The following WNK1 variants were observed in gnomAD, a reference collection of about 807,000 sequenced individuals.
WNK1 encodes WNK lysine deficient protein kinase 1.
Under a neutral mutation model 222.8 loss-of-function variants are expected in WNK1, and 38 were observed. The ratio of observed to expected loss-of-function variants is 0.17; its 90% CI spans 0.13 to 0.22. The LOEUF (loss-of-function observed/expected upper bound fraction) is 0.22. Ranked by LOEUF, WNK1 falls within the 10% of genes least tolerant of loss-of-function variation. The pLI is 1.00. For synonymous variants in WNK1, 1,090 were observed against 1,092.9 expected, an observed-to-expected ratio of 1.00 and a Z score of 0.05; for missense variants, 2,348 against 2,918.4, an observed-to-expected ratio of 0.80 and a Z score of 4.50.
intron 2 of WNK1, among the ~76,000 whole-genome samples, chr12:821,042 GTTTTTTTT>G (rs60880879): frequency 1.4e-4 from 11 of 79,120 alleles, no homozygotes; most frequent in Admixed American, 8.0e-4. Flanking sequence ...AGTTTCTTGA[GTTTTTTTT>G]TTTTTTTTTT....
intron 4 of WNK1, among the ~76,000 whole-genome samples, chr12:856,409 A>C (rs1000582610): frequency 6.6e-6 from 1 of 151,628 alleles, no homozygotes; most frequent in Admixed American, 6.6e-5. Flanking sequence ...AGCCAAGGTC[A>C]CACCACTGCA....
At chr12:769,781 G>A (rs1212606070) in intron 1 of WNK1, among the ~76,000 whole-genome samples, 1 of 152,000 alleles carries the variant, frequency 6.6e-6, no homozygotes, top group Non-Finnish European at 1.5e-5. Flanking sequence ...TTATTTCCTC[G>A]CAGTTCTGTA....
intron 1 of WNK1, among the ~76,000 whole-genome samples, chr12:808,145 A>T (rs1318992594): frequency 6.6e-6 from 1 of 152,114 alleles, no homozygotes; most frequent in Non-Finnish European, 1.5e-5. Context: ...TTTGAGTTTA[A>T]CCCTGTTAGC....
chr12:865,401 T>C (rs1321042308), intron 8 of WNK1: 1 of 1,520,904 alleles, frequency 6.6e-7, no homozygotes, highest in African/African-American at 1.4e-5. Flanking sequence ...TGAACAATTA[T>C]TACCAATGAA....
At position 773,115 on chromosome 12, in the gene WNK1, G is replaced by A. The variant is rs146512295; in HGVS notation, c.759+18791G>A. Among the ~76,000 whole-genome samples, 223 of 152,212 alleles carry A rather than the reference G, an allele frequency of 1.5e-3. 1 individual carries two copies. Among genetic ancestry groups the A allele is most frequent in the African/African-American group, 5.2e-3 (214 of 41,530 alleles). ...CTCTACTAAAAATACAAAATTAGCC[G>A]GGTGTGGTGACGCATGCCTGTTATC... On this transcript the variant is annotated intron_variant, in intron 1 of 27. Coordinates refer to ENST00000315939, the MANE Select transcript of WNK1 (RefSeq NM_018979.4).
chr12:793,818 AT>A (rs1364791822), intron 1 of WNK1, among the ~76,000 whole-genome samples: 1 of 152,174 alleles, frequency 6.6e-6, no homozygotes, highest in African/African-American at 2.4e-5. Flanking sequence ...AAAATATACA[AT>A]TCAGTGGTTT....
intron 2 of WNK1, among the ~76,000 whole-genome samples, chr12:817,765 A>C (rs758636367): frequency 1.4e-4 from 22 of 152,128 alleles, no homozygotes; most frequent in Non-Finnish European, 3.1e-4. Flanking sequence ...CAGCCTGTCC[A>C]ACATGGTGAA....
chr12:883,038 C>T lies in WNK1; in HGVS notation c.3468C>T (p.Pro1156=), dbSNP rs753078534. Residue 1156 remains proline (P), a synonymous_variant, in exon 15 of 28, where the codon CCC becomes CCT. Coordinates refer to ENST00000315939, the MANE Select transcript of WNK1 (RefSeq NM_018979.4). ...TFKFDLDGDN[P]EEIATIMVNN... ...AATTTGACCTAGATGGTGACAACCCCGAGGAGATAGCAACAATTATGGTAC... is the reference window on the plus strand; with the variant it reads ...AATTTGACCTAGATGGTGACAACCCTGAGGAGATAGCAACAATTATGGTAC... The T allele has an allele frequency of 9.9e-6, 16 of 1,611,846 alleles. No homozygotes were observed. The highest frequency in any genetic ancestry group is 5.0e-5 in the Admixed American group (3 of 59,996).
At chr12:757,765 C>CAT (rs1940347251) in intron 1 of WNK1, among the ~76,000 whole-genome samples, 1 of 146,928 alleles carries the variant, frequency 6.8e-6, no homozygotes. Context: ...GAGCCGGGTG[C>CAT]GGTGGCTCAC....
At chr12:901,628 T>G (rs1201323041) in intron 26 of WNK1, 5 of 1,289,050 alleles carry the variant, frequency 3.9e-6, no homozygotes, top group Admixed American at 2.3e-5. Flanking sequence ...GGACCCGATT[T>G]CTGAGTACGC....
At chr12:756,089 C>G (rs1939986266) in intron 1 of WNK1, among the ~76,000 whole-genome samples, 1 of 152,248 alleles carries the variant, frequency 6.6e-6, no homozygotes, top group African/African-American at 2.4e-5. Context: ...CTTATTGATA[C>G]TGATGCTGGA....
At position 908,839 on chromosome 12, in the gene WNK1, C is replaced by G. The variant is rs556130311; in HGVS notation, c.*47C>G. The G allele has an allele frequency of 1.2e-3, 450 of 379,254 alleles. 7 individuals carry two copies. Among genetic ancestry groups the G allele is most frequent in the South Asian group, 8.6e-3 (431 of 50,302 alleles). The allele number at this position is 379,254 out of a possible 1,614,324, so 23.5% of individuals were successfully genotyped here. A position where few individuals can be genotyped will look rare whatever the true frequency, so the allele number is the denominator to read the frequency against. ...AGATCTGGGGGCAGGAGATGGAATG[C>G]TGAGGGGGTGGGTGGGGGTGGGAAG... On this transcript the variant is annotated 3_prime_UTR_variant, in exon 28 of 28. Transcript: ENST00000315939.
chr12:753,817 C>T lies in WNK1; in HGVS notation c.252C>T (p.Val84=). Residue 84 remains valine (V), a synonymous_variant, in exon 1 of 28, where the codon GTC becomes GTT. Coordinates refer to ENST00000315939, the MANE Select transcript of WNK1 (RefSeq NM_018979.4). The surrounding 1 kb of genome is among the most constrained non-coding windows in gnomAD (Gnocchi z 5.2). ...AGCACCGCTTCTTCCGCCGGAGCGT[C>T]ATCTGTGACTCCAATGCCACTGCAC... ...TTEHRFFRRS[V]ICDSNATALE... 6.2e-7 allele frequency: 1 copy of T among 1,612,784 alleles called. No individual in the cohort carries two copies. Among genetic ancestry groups the T allele is most frequent in the Non-Finnish European group, 8.5e-7 (1 of 1,179,980 alleles).
At chr12:867,855 T>C (rs1485316786) in intron 8 of WNK1, 2 of 1,613,466 alleles carry the variant, frequency 1.2e-6, no homozygotes, top group Non-Finnish European at 1.7e-6. Flanking sequence ...GTCTTATTCA[T>C]GTTGATACAG....
chr12:840,603 G>C (rs1304294332), intron 4 of WNK1, among the ~76,000 whole-genome samples: 1 of 152,106 alleles, frequency 6.6e-6, no homozygotes, highest in Non-Finnish European at 1.5e-5. Context: ...TAATGGCAGA[G>C]TTGAATAATT....
At chr12:848,606 TA>T (rs2154052757) in intron 4 of WNK1, among the ~76,000 whole-genome samples, 1 of 151,548 alleles carries the variant, frequency 6.6e-6, no homozygotes, top group South Asian at 2.1e-4. Flanking sequence ...ATCTTTGTGT[TA>T]AGAGCCCATA....
At chr12:795,296 G>GTTTTTTTTTTTTTTTTTTTTTTTTTTTTT (rs35447912) in intron 1 of WNK1, among the ~76,000 whole-genome samples, 1 of 133,022 alleles carries the variant, frequency 7.5e-6, no homozygotes, top group Non-Finnish European at 1.6e-5. Context: ...ATTTTCCGTT[G>GTTTTTTTTTTTTTTTTTTTTTTTTTTTTT]TTTTTTTTTT....
At chr12:829,401 G>A (rs912830845) in intron 3 of WNK1, among the ~76,000 whole-genome samples, 10 of 152,296 alleles carry the variant, frequency 6.6e-5, no homozygotes, top group African/African-American at 2.4e-4. Context: ...GCTCTGGTGA[G>A]TGGCCTTTGG....
At chr12:836,830 G>T (rs187245475) in intron 4 of WNK1, among the ~76,000 whole-genome samples, 3 of 152,172 alleles carry the variant, frequency 2.0e-5, no homozygotes, top group Non-Finnish European at 4.4e-5. Context: ...TTAAATATTA[G>T]AAGACCTTTG....
Sources: allele counts gnomAD v4.1 joint callset (sites outside exome capture counted in the v4.1 genomes callset), GRCh38; gene constraint gnomAD v4.1.1; non-coding constraint Gnocchi (gnomAD v3.1); transcripts MANE v1.5; gene names NCBI Gene and HGNC (gene_info 2026-07-23, HGNC 2026-07-21).